Variants in LITAF observed in about 807,000 individuals in gnomAD.
The protein encoded by LITAF is lipopolysaccharide induced TNF factor.
In LITAF, 9 loss-of-function variants were observed where a neutral mutation model predicts 14.5. That is an observed-to-expected ratio of 0.62 (90% confidence interval 0.37 to 1.08). The LOEUF is 1.08. Among genes scored for constraint, LITAF ranks in the 50% least tolerant of loss-of-function variants. The pLI, the probability that LITAF is intolerant of heterozygous loss-of-function variation, is 0.01. For synonymous variants in LITAF, 98 were observed against 88.2 expected, an observed-to-expected ratio of 1.11 and a Z score of -0.62; for missense variants, 206 against 213.4, an observed-to-expected ratio of 0.97 and a Z score of 0.22.
chr16:11,587,593 G>A, upstream of LITAF: 1 of 276,404 alleles, frequency 3.6e-6, no homozygotes, highest in South Asian at 3.0e-5. Context: ...AGGCTTATCA[G>A]CTGCCTGTCC....
At chr16:11,625,899 G>A (rs575159476) in intron 3 of LITAF, among the ~76,000 whole-genome samples, 4 of 152,136 alleles carry the variant, frequency 2.6e-5, no homozygotes, top group African/African-American at 9.6e-5. Flanking sequence ...ATGGTCCTAC[G>A]AGGCAGAAAA....
Position 11,605,453 on chromosome 16 carries a change from G to A in LITAF, c.85+28080C>T, listed in dbSNP as rs1433884775. 6.6e-6 allele frequency among the ~76,000 whole-genome samples: 1 copy of A among 152,148 alleles called. No homozygotes were observed. The highest frequency in any genetic ancestry group is 1.5e-5 in the Non-Finnish European group (1 of 68,020). ...CCCTGGGCTCCCTTCACAGTGTGGG[G>A]GACCCCTTCCCAGCCCCGTGTCTCT... is the stretch of plus-strand genomic sequence containing the variant. On this transcript the variant is annotated intron_variant, in intron 3 of 3. Transcript: ENST00000574848. The surrounding 1 kb of genome is among the most constrained non-coding windows in gnomAD (Gnocchi z 4.7).
intron 2 of LITAF, among the ~76,000 whole-genome samples, chr16:11,635,120 G>A (rs1442632207): frequency 6.6e-6 from 1 of 152,128 alleles, no homozygotes; most frequent in Non-Finnish European, 1.5e-5. Context: ...AGCCAGCTCT[G>A]TGTGAATTAA....
chr16:11,620,005 T>C (rs994841143), intron 3 of LITAF, among the ~76,000 whole-genome samples: 4 of 151,410 alleles, frequency 2.6e-5, no homozygotes, highest in Non-Finnish European at 4.4e-5. Context: ...CTATCTCTAC[T>C]AAAAATACAA....
chr16:11,620,856 T>C (rs2065046025), intron 3 of LITAF, among the ~76,000 whole-genome samples: 1 of 152,182 alleles, frequency 6.6e-6, no homozygotes, highest in Non-Finnish European at 1.5e-5. Context: ...CCTCAGCAGC[T>C]GCTGCTCCAG....
upstream of LITAF, among the ~76,000 whole-genome samples, chr16:11,602,988 C>A (rs913404310): frequency 6.6e-6 from 1 of 152,028 alleles, no homozygotes; most frequent in African/African-American, 2.4e-5. Context: ...GTTGCCCATG[C>A]CTGTAGTCCC....
chr16:11,639,743 C>T (rs2065157229), upstream of LITAF, among the ~76,000 whole-genome samples: 1 of 152,024 alleles, frequency 6.6e-6, no homozygotes, highest in African/African-American at 2.4e-5. Context: ...GCCTGTAATC[C>T]CATCAATTTG....
At chr16:11,621,817 T>G (rs999439665) in intron 3 of LITAF, among the ~76,000 whole-genome samples, 7 of 152,140 alleles carry the variant, frequency 4.6e-5, no homozygotes, top group African/African-American at 1.7e-4. Flanking sequence ...AGTAAACCAC[T>G]GGCACCCAGA....
At chr16:11,571,130 C>T (rs1034033718) in intron 1 of LITAF, among the ~76,000 whole-genome samples, 3 of 152,068 alleles carry the variant, frequency 2.0e-5, no homozygotes, top group African/African-American at 4.8e-5. Context: ...TGTAGTAGTG[C>T]GATCTCAGCT....
In LITAF at chr16:11,553,658, G is replaced by A. The variant is rs1391759020; in HGVS notation, c.252C>T (p.Pro84=). ...GGATAGGGCGGTCCAAAAAGGTGAT[G>A]GGGTGCTGCACGTAGACCGTCTGCA... ...ITVQTVYVQH[P]ITFLDRPIQM... The change falls in exon 3 of 4, where the codon CCC becomes CCT. Residue 84 remains proline (P), a synonymous_variant. Transcript: ENST00000622633. This position sits in a 1 kb window ranked among gnomAD's most constrained non-coding sequence, Gnocchi z 7.7. 2.5e-6 allele frequency: 4 copies of A among 1,614,058 alleles called. No individual in the cohort carries two copies. Among genetic ancestry groups the A allele is most frequent in the Non-Finnish European group, 3.4e-6 (4 of 1,180,038 alleles).
At chr16:11,608,715 C>G (rs1023259013) in intron 3 of LITAF, among the ~76,000 whole-genome samples, 1 of 152,198 alleles carries the variant, frequency 6.6e-6, no homozygotes, top group Non-Finnish European at 1.5e-5. Flanking sequence ...ATAATCCCAG[C>G]ACTTTGGGAG....
At chr16:11,582,317 C>T (rs1597357532) in intron 1 of LITAF, among the ~76,000 whole-genome samples, 1 of 100,464 alleles carries the variant, frequency 1.0e-5, no homozygotes, top group Non-Finnish European at 1.8e-5. Context: ...TCACTCACAA[C>T]GGAAAAAAAA....
In LITAF at chr16:11,634,870, C is replaced by T. The variant is rs936703236; in HGVS notation, c.-21+955G>A. Among the ~76,000 whole-genome samples, 1 of 151,956 alleles carries T rather than the reference C, an allele frequency of 6.6e-6. No homozygotes were observed. Among genetic ancestry groups the T allele is most frequent in the Admixed American group, 6.6e-5 (1 of 15,234 alleles). ...CTAACCTGGTGAAACCCCGTCTCTA[C>T]TAAAAATGCAAAAACTAGCTGGGCG... On this transcript the variant is annotated intron_variant, in intron 2 of 3. Coordinates refer to the LITAF transcript ENST00000574848. The surrounding 1 kb of genome is among the most constrained non-coding windows in gnomAD (Gnocchi z 4.1).
Position 11,605,590 on chromosome 16 carries a change from A to G in LITAF, c.85+27943T>C, listed in dbSNP as rs2064951191. On this transcript the variant is annotated intron_variant, in intron 3 of 3. Coordinates refer to the LITAF transcript ENST00000574848. This position sits in a 1 kb window ranked among gnomAD's most constrained non-coding sequence, Gnocchi z 4.7. Reference sequence around the variant, plus strand: ...AAAAAGAGAAATGAAAAGAAAAAGAATTGAGATGGGACAAGGAGTGAGAAG... The same window carrying G: ...AAAAAGAGAAATGAAAAGAAAAAGAGTTGAGATGGGACAAGGAGTGAGAAG... Among the ~76,000 whole-genome samples the G allele has an allele frequency of 6.6e-6, 1 of 152,326 alleles. No individual in the cohort carries two copies. The highest frequency in any genetic ancestry group is 2.1e-4 in the South Asian group (1 of 4,830).
At chr16:11,565,157 G>A (rs1194835666) in intron 1 of LITAF, among the ~76,000 whole-genome samples, 5 of 150,348 alleles carry the variant, frequency 3.3e-5, no homozygotes, top group African/African-American at 1.2e-4. Flanking sequence ...ATCTTGGCTC[G>A]CTGCAACCTC....
At chr16:11,617,533 T>G (rs753765396) in intron 3 of LITAF, among the ~76,000 whole-genome samples, 2 of 150,624 alleles carry the variant, frequency 1.3e-5, no homozygotes, top group Admixed American at 1.3e-4. Context: ...TTCAAGGGAT[T>G]CTCTTGCCTC....
chr16:11,629,578 G>A (rs558917305), intron 3 of LITAF, among the ~76,000 whole-genome samples: 39 of 152,274 alleles, frequency 2.6e-4, no homozygotes, highest in Admixed American at 1.4e-3. Flanking sequence ...AAACACAGCT[G>A]TGAGCAGTCA....
chr16:11,570,977 T>A (rs989490859), intron 1 of LITAF, among the ~76,000 whole-genome samples: 4 of 151,922 alleles, frequency 2.6e-5, no homozygotes, highest in African/African-American at 9.7e-5. Flanking sequence ...AGCCATAAAT[T>A]AAGAAATGCA....
chr16:11,549,365 T>C lies in LITAF; in HGVS notation c.*272A>G. On this transcript the variant is annotated 3_prime_UTR_variant, in exon 4 of 4. Coordinates refer to ENST00000622633, the MANE Select transcript of LITAF (RefSeq NM_001136472.2). The surrounding 1 kb of genome is among the most constrained non-coding windows in gnomAD (Gnocchi z 4.6). ...GGATAGGGCAATGATCACAGTTAGATGGCAGGACTCAGGGTCTCAGGGAGG... is the reference window on the plus strand; with the variant it reads ...GGATAGGGCAATGATCACAGTTAGACGGCAGGACTCAGGGTCTCAGGGAGG... The C allele has an allele frequency of 3.9e-6, 2 of 515,924 alleles. No homozygotes were observed. The highest frequency in any genetic ancestry group is 7.5e-6 in the Non-Finnish European group (2 of 266,184). 32.0% of individuals were successfully genotyped at this position (515,924 alleles called of 1,614,324 possible).
Sources: gnomAD v4.1 joint callset for allele counts (sites outside exome capture counted in the v4.1 genomes callset) on GRCh38, gnomAD v4.1.1 for gene constraint, Gnocchi (gnomAD v3.1) non-coding constraint, MANE v1.5 for transcripts, NCBI Gene and HGNC (gene_info 2026-07-23, HGNC 2026-07-21) for gene names.